Variants in APBB2 observed in about 807,000 individuals in gnomAD.
APBB2 encodes Fe65-like 1.
APBB2 carries 38 observed loss-of-function variants against 82.5 expected under a neutral mutation model. The ratio of observed to expected loss-of-function variants is 0.46; its 90% confidence interval spans 0.36 to 0.60. The LOEUF (loss-of-function observed/expected upper bound fraction) is 0.60, where lower values mean the gene tolerates loss of function less well. Ranked by LOEUF, APBB2 falls within the 20% of genes least tolerant of loss-of-function variation. The pLI, the probability that APBB2 is intolerant of heterozygous loss-of-function variation, is 0.00. For synonymous variants in APBB2, 341 were observed against 368.2 expected, an observed-to-expected ratio of 0.93 and a Z score of 0.85; for missense variants, 772 against 972.3, an observed-to-expected ratio of 0.79 and a Z score of 2.74.
At chr4:40,925,110 C>A (rs1044649812) in intron 10 of APBB2, among the ~76,000 whole-genome samples, 1 of 152,156 alleles carries the variant, frequency 6.6e-6, no homozygotes, top group Non-Finnish European at 1.5e-5. Flanking sequence ...ATGGAATATG[C>A]CCCCGGAACA....
chr4:41,187,256 ATT>A (rs1221909538), intron 1 of APBB2, among the ~76,000 whole-genome samples: 1 of 152,168 alleles, frequency 6.6e-6, no homozygotes, highest in Non-Finnish European at 1.5e-5. Context: ...ATTTCAGGTG[ATT>A]TTTTAAAAAA....
At chr4:40,998,533 C>A (rs894661602) in intron 6 of APBB2, among the ~76,000 whole-genome samples, 1 of 152,162 alleles carries the variant, frequency 6.6e-6, no homozygotes, top group Non-Finnish European at 1.5e-5. Context: ...AAATAGTCGT[C>A]CCTTTTTAAC....
At chr4:41,175,569 C>G (rs1377487119) in intron 1 of APBB2, among the ~76,000 whole-genome samples, 1 of 152,074 alleles carries the variant, frequency 6.6e-6, no homozygotes. Context: ...GTATCATTCC[C>G]TATGGTCAGA....
At chr4:41,168,042 G>A (rs952548764) in intron 1 of APBB2, among the ~76,000 whole-genome samples, 38 of 152,026 alleles carry the variant, frequency 2.5e-4, no homozygotes, top group Non-Finnish European at 1.0e-4. Flanking sequence ...AGGCCGAGGC[G>A]GGCGGATCAC....
chr4:41,168,694 A>G (rs1211682401), intron 1 of APBB2, among the ~76,000 whole-genome samples: 1 of 152,232 alleles, frequency 6.6e-6, no homozygotes, highest in Non-Finnish European at 1.5e-5. Flanking sequence ...AGAGAAATAG[A>G]ACCACGGCCC....
intron 10 of APBB2, among the ~76,000 whole-genome samples, chr4:40,930,741 ATTT>A (rs1420835971): frequency 2.0e-5 from 3 of 152,100 alleles, no homozygotes; most frequent in Admixed American, 1.3e-4. Context: ...ATCAAATATT[ATTT>A]TTATTTATTT....
chr4:40,935,558 T>C (rs1334820117), intron 7 of APBB2: 1 of 156,472 alleles, frequency 6.4e-6, no homozygotes, highest in African/African-American at 2.4e-5. Flanking sequence ...CCGTGTTTGT[T>C]TGGAAACTAG....
intron 6 of APBB2, among the ~76,000 whole-genome samples, chr4:40,948,473 G>A (rs924104057): frequency 6.6e-6 from 1 of 152,072 alleles, no homozygotes; most frequent in Non-Finnish European, 1.5e-5. Flanking sequence ...TCAAGAGGCT[G>A]AGGACGGCTA....
At chr4:40,998,416 T>C (rs1804237060) in intron 6 of APBB2, among the ~76,000 whole-genome samples, 1 of 152,216 alleles carries the variant, frequency 6.6e-6, no homozygotes, top group African/African-American at 2.4e-5. Flanking sequence ...AAGCTTATTA[T>C]TATCATTTCA....
chr4:40,979,466 C>G (rs1027421861), intron 6 of APBB2, among the ~76,000 whole-genome samples: 2 of 152,132 alleles, frequency 1.3e-5, no homozygotes, highest in African/African-American at 2.4e-5. Context: ...TCTCTGAATT[C>G]TGAGCTTCAA....
chr4:41,123,078 TCCAGCAGC>T (rs1272077921), intron 2 of APBB2, among the ~76,000 whole-genome samples: 1 of 151,980 alleles, frequency 6.6e-6, no homozygotes, highest in African/African-American at 2.4e-5. Context: ...GCACCACATC[TCCAGCAGC>T]CCTCTCTTGC....
intron 1 of APBB2, among the ~76,000 whole-genome samples, chr4:41,206,222 C>G (rs914174256): frequency 3.9e-5 from 6 of 152,196 alleles, no homozygotes; most frequent in African/African-American, 1.4e-4. Context: ...ACAAAGGAAG[C>G]AGCTGAAGGG....
At chr4:41,041,042 G>A (rs1231238598) in intron 4 of APBB2, among the ~76,000 whole-genome samples, 3 of 151,936 alleles carry the variant, frequency 2.0e-5, no homozygotes, top group Non-Finnish European at 4.4e-5. Flanking sequence ...CACCACACCC[G>A]GCTGATTTTT....
intron 6 of APBB2, among the ~76,000 whole-genome samples, chr4:40,960,158 G>A (rs1792703131): frequency 1.3e-5 from 2 of 152,064 alleles, no homozygotes; most frequent in South Asian, 4.2e-4. Flanking sequence ...GGATGGGGAG[G>A]AGGAGTACAG....
intron 1 of APBB2, among the ~76,000 whole-genome samples, chr4:41,191,298 C>T (rs962940383): frequency 7.9e-5 from 12 of 152,212 alleles, no homozygotes; most frequent in Admixed American, 7.2e-4. Context: ...AATCGAACCA[C>T]GTGGCTAGGT....
Position 41,196,885 on chromosome 4 carries a change from A to G in APBB2, c.-417+17520T>C. Among the ~76,000 whole-genome samples the G allele has an allele frequency of 9.9e-5, 15 of 152,162 alleles. 1 individual carries two copies. The highest frequency in any genetic ancestry group is 3.3e-4 in the Admixed American group (5 of 15,272). On this transcript the variant is annotated intron_variant, in intron 1 of 17. Transcript: ENST00000508593. ...AAATGTGTGGCCGAAGAAATCCCAC[A>G]CACTCCTTTCCCCCTCTGAACACAG... is the stretch of plus-strand genomic sequence containing the variant.
chr4:40,849,679 T>G (rs1367324567), intron 12 of APBB2, among the ~76,000 whole-genome samples: 1 of 151,900 alleles, frequency 6.6e-6, no homozygotes, highest in African/African-American at 2.4e-5. Flanking sequence ...GTTAACTTCT[T>G]GATACAGTTT....
intron 5 of APBB2, among the ~76,000 whole-genome samples, chr4:41,028,122 C>T (rs1715206017): frequency 6.6e-6 from 1 of 152,250 alleles, no homozygotes; most frequent in South Asian, 2.1e-4. Context: ...CAGCCTTCCC[C>T]TACACCCATT....
chr4:41,004,836 C>CAAAAAAAAA (rs34941899), intron 6 of APBB2, among the ~76,000 whole-genome samples: 5 of 49,268 alleles, frequency 1.0e-4, no homozygotes, highest in Non-Finnish European at 1.0e-4. Flanking sequence ...GACCCCATCT[C>CAAAAAAAAA]AAAAAAAAAA....
Sources: allele counts gnomAD v4.1 joint callset (sites outside exome capture counted in the v4.1 genomes callset), GRCh38; gene constraint gnomAD v4.1.1; transcripts MANE v1.5; gene names NCBI Gene and HGNC (gene_info 2026-07-23, HGNC 2026-07-21).